Variants in VAMP4 observed in about 807,000 individuals in gnomAD.
The protein encoded by VAMP4 is vesicle associated membrane protein 4.
In VAMP4, 19 loss-of-function variants were observed where a neutral mutation model predicts 23.5. The observed-to-expected ratio is 0.81, with a 90% CI of 0.56 to 1.19. The LOEUF is 1.19. VAMP4 is among the 50% of genes most tolerant of loss of function. VAMP4 has a pLI of 0.00. For synonymous variants in VAMP4, 31 were observed against 51.0 expected, an observed-to-expected ratio of 0.61 and a Z score of 1.67; for missense variants, 145 against 168.6, an observed-to-expected ratio of 0.86 and a Z score of 0.78.
intron 6 of VAMP4, among the ~76,000 whole-genome samples, chr1:171,707,641 AAAT>A (rs1654700910): frequency 6.6e-6 from 1 of 152,168 alleles, no homozygotes; most frequent in Admixed American, 6.6e-5. Flanking sequence ...AAGCATTAGA[AAAT>A]AATAAATGAA....
chr1:171,728,611 G>A, intron 2 of VAMP4, 41 bp from the exon 3 acceptor site: 2 of 1,538,410 alleles, frequency 1.3e-6, no homozygotes, highest in East Asian at 2.3e-5. Context: ...CAGATTCAGA[G>A]GGCTTATAAA....
At chr1:171,740,993 C>T (rs1264811548) in intron 1 of VAMP4, among the ~76,000 whole-genome samples, 1 of 152,124 alleles carries the variant, frequency 6.6e-6, no homozygotes, top group Admixed American at 6.5e-5. Context: ...AGAAATAAAT[C>T]ATGCTCAGAA....
intron 6 of VAMP4, among the ~76,000 whole-genome samples, chr1:171,707,191 C>T (rs1247836263): frequency 6.6e-6 from 1 of 152,078 alleles, no homozygotes; most frequent in Non-Finnish European, 1.5e-5. Flanking sequence ...TTTCACAGCC[C>T]CCAGATATAT....
chr1:171,721,141 G>C (rs1655181930), intron 3 of VAMP4, among the ~76,000 whole-genome samples: 1 of 151,682 alleles, frequency 6.6e-6, no homozygotes, highest in South Asian at 2.1e-4. Flanking sequence ...GGAATAGGAG[G>C]AAACTTCTTC....
chr1:171,709,266 T>C (rs564066918), intron 6 of VAMP4, among the ~76,000 whole-genome samples: 2 of 152,236 alleles, frequency 1.3e-5, no homozygotes, highest in African/African-American at 4.8e-5. Flanking sequence ...TTTTTACCCT[T>C]TCAACCGAAA....
intron 4 of VAMP4, among the ~76,000 whole-genome samples, chr1:171,712,467 A>G (rs1168588621): frequency 6.6e-6 from 1 of 152,188 alleles, no homozygotes; most frequent in Non-Finnish European, 1.5e-5. Flanking sequence ...AGTAGCAATT[A>G]CTAAGCTTGA....
intron 4 of VAMP4, among the ~76,000 whole-genome samples, chr1:171,718,766 G>T (rs1302970963): frequency 6.6e-6 from 1 of 152,016 alleles, no homozygotes; most frequent in Non-Finnish European, 1.5e-5. Flanking sequence ...CTAAATAAAT[G>T]GATTTGACAT....
intron 3 of VAMP4, among the ~76,000 whole-genome samples, chr1:171,721,132 G>A (rs1390939663): frequency 1.3e-5 from 2 of 151,992 alleles, no homozygotes; most frequent in Non-Finnish European, 2.9e-5. Flanking sequence ...CACAAACTAG[G>A]AATAGGAGGA....
chr1:171,713,612 C>G (rs1392026291), intron 4 of VAMP4, among the ~76,000 whole-genome samples: 2 of 152,088 alleles, frequency 1.3e-5, no homozygotes, highest in Admixed American at 6.5e-5. Context: ...GTGGAAGGAT[C>G]CCCTGAGCCT....
intron 6 of VAMP4, among the ~76,000 whole-genome samples, chr1:171,706,729 T>C (rs185378727): frequency 1.3e-5 from 2 of 152,310 alleles, no homozygotes; most frequent in East Asian, 1.9e-4. Flanking sequence ...TATTGAACCA[T>C]TTGAATTGCA....
chr1:171,723,851 A>G (rs866569551), intron 3 of VAMP4, among the ~76,000 whole-genome samples: 89 of 152,328 alleles, frequency 5.8e-4, no homozygotes, highest in African/African-American at 2.0e-3. Context: ...AGAGATTGCA[A>G]TAAAGACAGG....
At chr1:171,730,189 T>C (rs922184787) in intron 2 of VAMP4, among the ~76,000 whole-genome samples, 4 of 152,226 alleles carry the variant, frequency 2.6e-5, no homozygotes, top group Non-Finnish European at 5.9e-5. Context: ...TAAATTTGTG[T>C]TGTTTTAAGT....
At chr1:171,714,224 G>C (rs1654954577) in intron 4 of VAMP4, among the ~76,000 whole-genome samples, 1 of 152,154 alleles carries the variant, frequency 6.6e-6, no homozygotes, top group Admixed American at 6.5e-5. Context: ...TATGGAGATA[G>C]TTTGGTTTAC....
chr1:171,736,042 G>A (rs57300412), intron 2 of VAMP4, among the ~76,000 whole-genome samples: 9,567 of 151,906 alleles, frequency 0.063, 367 homozygotes, highest in East Asian at 0.24. Context: ...GTGCACCACC[G>A]CACCTGGCTA....
At chr1:171,727,437 T>A (rs993466075) in intron 3 of VAMP4, among the ~76,000 whole-genome samples, 4 of 152,158 alleles carry the variant, frequency 2.6e-5, no homozygotes, top group African/African-American at 7.2e-5. Flanking sequence ...TCCACTAGAA[T>A]GGCTAGAATG....
At chr1:171,740,428 TG>T (rs779361923) in intron 1 of VAMP4, among the ~76,000 whole-genome samples, 25 of 152,210 alleles carry the variant, frequency 1.6e-4, no homozygotes, top group Non-Finnish European at 3.2e-4. Flanking sequence ...ATAAAAGTAA[TG>T]TTTTAAGTCA....
chr1:171,731,137 A>C (rs923733623), intron 2 of VAMP4, among the ~76,000 whole-genome samples: 2 of 151,308 alleles, frequency 1.3e-5, no homozygotes, highest in Non-Finnish European at 2.9e-5. Flanking sequence ...TTCTATGTGC[A>C]CTGTTCTAAG....
At chr1:171,724,644 C>T (rs1236841016) in intron 3 of VAMP4, among the ~76,000 whole-genome samples, 2 of 152,080 alleles carry the variant, frequency 1.3e-5, no homozygotes, top group African/African-American at 4.8e-5. Flanking sequence ...TGTTAATTAT[C>T]CCCAAATTCA....
At chr1:171,718,583 A>G (rs1373034627) in intron 4 of VAMP4, among the ~76,000 whole-genome samples, 2 of 152,206 alleles carry the variant, frequency 1.3e-5, no homozygotes, top group Non-Finnish European at 2.9e-5. Context: ...AATTAGCCAT[A>G]AAACTTAGTT....
Sources: allele counts gnomAD v4.1 joint callset (sites outside exome capture counted in the v4.1 genomes callset), GRCh38; gene constraint gnomAD v4.1.1; transcripts MANE v1.5; gene names NCBI Gene and HGNC (gene_info 2026-07-23, HGNC 2026-07-21).